Variants in MRTFA observed in about 807,000 individuals in gnomAD.
The protein encoded by MRTFA is myocardin-related transcription factor A.
A neutral mutation model predicts 83.5 loss-of-function variants in MRTFA; 20 were observed. The ratio of observed to expected loss-of-function variants is 0.24; its 90% CI spans 0.17 to 0.35. The LOEUF (loss-of-function observed/expected upper bound fraction) is 0.35, where lower values mean the gene tolerates loss of function less well. Among genes scored for constraint, MRTFA ranks in the 10% least tolerant of loss-of-function variants. The pLI is 1.00. For synonymous variants in MRTFA, 659 were observed against 541.2 expected, an observed-to-expected ratio of 1.22 and a Z score of -3.02; for missense variants, 1,200 against 1,224.7, an observed-to-expected ratio of 0.98 and a Z score of 0.30.
In MRTFA at chr22:40,622,593, G is replaced by C. The variant is rs143401930; in HGVS notation, c.-84+13885C>G. 3.9e-5 allele frequency among the ~76,000 whole-genome samples: 6 copies of C among 152,240 alleles called. No homozygotes were observed. In the East Asian group the frequency reaches 1.2e-3, roughly 29 times the overall value. On this transcript the variant is annotated intron_variant, in intron 1 of 14. Coordinates refer to ENST00000355630, the MANE Select transcript of MRTFA (RefSeq NM_020831.6). The stretch of plus-strand genomic sequence containing the variant: ...AGTGCAGGAGAAAGAGATGTGCAGA[G>C]AGATTTAAAGATGCTGACCTTGAAG...
At chr22:40,588,008 G>T in intron 2 of MRTFA, 1 of 204,026 alleles carries the variant, frequency 4.9e-6, no homozygotes, top group African/African-American at 2.4e-5. Context: ...ATGGGAAGGT[G>T]AGAAGGCCAC....
At chr22:40,474,957 G>C (rs2053968365) in intron 3 of MRTFA, among the ~76,000 whole-genome samples, 1 of 151,988 alleles carries the variant, frequency 6.6e-6, no homozygotes, top group African/African-American at 2.4e-5. Flanking sequence ...TCCTGCCTCA[G>C]CCATCCGAGT....
At position 40,508,023 on chromosome 22, in the gene MRTFA, C is replaced by T. The variant is rs538299774; in HGVS notation, c.241+44083G>A. Among the ~76,000 whole-genome samples the T allele has an allele frequency of 2.9e-5, 4 of 139,510 alleles. No homozygotes were observed. In the South Asian group the frequency reaches 7.1e-4, roughly 25 times the overall value. The allele number at this position is 139,510 out of a possible 152,430, so 91.5% of individuals were successfully genotyped here. On this transcript the variant is annotated intron_variant, in intron 3 of 14. Transcript: ENST00000355630. ...AAGGAGTTGATTTATATATAAAGTA[C>T]GTAGAACAGTACCTGGGCACAGGTG... is the stretch of plus-strand genomic sequence containing the variant.
chr22:40,610,544 C>T (rs2056375235), intron 1 of MRTFA, among the ~76,000 whole-genome samples: 1 of 152,158 alleles, frequency 6.6e-6, no homozygotes, highest in Non-Finnish European at 1.5e-5. Flanking sequence ...ATCTCCTTGG[C>T]TTCCTTTTCA....
At chr22:40,624,299 G>A (rs565394586) in intron 1 of MRTFA, among the ~76,000 whole-genome samples, 1 of 151,546 alleles carries the variant, frequency 6.6e-6, no homozygotes, top group South Asian at 2.1e-4. Flanking sequence ...GGTGGGGCAC[G>A]CCTGTAATCC....
At chr22:40,511,323 C>T (rs750647993) in intron 3 of MRTFA, among the ~76,000 whole-genome samples, 1 of 152,156 alleles carries the variant, frequency 6.6e-6, no homozygotes, top group African/African-American at 2.4e-5. Context: ...GCTAGGGCAA[C>T]TGGCACTATA....
At chr22:40,563,141 C>T (rs1213099112) in intron 2 of MRTFA, among the ~76,000 whole-genome samples, 3 of 152,090 alleles carry the variant, frequency 2.0e-5, no homozygotes, top group Admixed American at 6.6e-5. Flanking sequence ...CTCACCATTC[C>T]CCTTTATTCA....
intron 8 of MRTFA, 39 bp from the exon 9 acceptor site, chr22:40,423,724 C>A (rs771245964): frequency 5.4e-6 from 8 of 1,492,628 alleles, no homozygotes; most frequent in Admixed American, 4.1e-5. Flanking sequence ...TGGCCACCTC[C>A]AGGTAGGGTG....
intron 3 of MRTFA, among the ~76,000 whole-genome samples, chr22:40,475,177 G>A (rs1324140508): frequency 1.3e-5 from 2 of 152,118 alleles, no homozygotes; most frequent in Non-Finnish European, 2.9e-5. Context: ...TTAGAGCTAG[G>A]AGTTCTGTGA....
intron 3 of MRTFA, among the ~76,000 whole-genome samples, chr22:40,465,812 G>A (rs1040123181): frequency 5.3e-5 from 8 of 151,884 alleles, no homozygotes; most frequent in Non-Finnish European, 8.8e-5. Context: ...TGATCTGTCC[G>A]TCTCAGCCTC....
intron 3 of MRTFA, among the ~76,000 whole-genome samples, chr22:40,513,453 T>C (rs1486417254): frequency 2.0e-5 from 3 of 151,778 alleles, no homozygotes; most frequent in Non-Finnish European, 4.4e-5. Flanking sequence ...ATACAAAAAT[T>C]AGCTGGGCAT....
chr22:40,482,437 A>C (rs2054107192), intron 3 of MRTFA, among the ~76,000 whole-genome samples: 2 of 152,140 alleles, frequency 1.3e-5, no homozygotes, highest in Non-Finnish European at 2.9e-5. Context: ...ACAGATCTCA[A>C]AGTGCCAATT....
intron 3 of MRTFA, among the ~76,000 whole-genome samples, chr22:40,538,985 CTTTTGTTTTT>C (rs1166132564): frequency 2.8e-5 from 3 of 106,946 alleles, no homozygotes; most frequent in African/African-American, 3.8e-5. Flanking sequence ...GATACACAGC[CTTTTGTTTTT>C]TTTTTTTTTT....
chr22:40,596,119 T>C (rs2056188809), intron 1 of MRTFA, among the ~76,000 whole-genome samples: 1 of 151,982 alleles, frequency 6.6e-6, no homozygotes, highest in Non-Finnish European at 1.5e-5. Context: ...CTTTGATAGT[T>C]CTACTGTTTC....
chr22:40,503,652 C>A lies in MRTFA; in HGVS notation c.242-40366G>T, dbSNP rs549183281. Among the ~76,000 whole-genome samples the A allele has an allele frequency of 1.3e-4, 20 of 152,272 alleles. No individual in the cohort carries two copies. In the South Asian group the frequency reaches 3.9e-3, roughly 30 times the overall value. On this transcript the variant is annotated intron_variant, in intron 3 of 14. Transcript: ENST00000355630. Reference sequence around the variant, plus strand: ...AGTGTTTCCCAGGATACTGGCTGGGCGCAGTGGCTCACGCCTGTAATCCCA... The same window carrying A: ...AGTGTTTCCCAGGATACTGGCTGGGAGCAGTGGCTCACGCCTGTAATCCCA...
intron 3 of MRTFA, among the ~76,000 whole-genome samples, chr22:40,538,813 T>G (rs1241159642): frequency 1.3e-5 from 2 of 152,122 alleles, no homozygotes; most frequent in African/African-American, 4.8e-5. Flanking sequence ...TCTGCACAAA[T>G]GAAGATGACT....
At chr22:40,544,631 T>TA (rs1394199920) in intron 3 of MRTFA, among the ~76,000 whole-genome samples, 1 of 152,068 alleles carries the variant, frequency 6.6e-6, no homozygotes, top group African/African-American at 2.4e-5. Context: ...AACAAACTAG[T>TA]ATTCCGGATA....
At position 40,416,961 on chromosome 22, in the gene MRTFA, G is replaced by A; in HGVS notation, c.2578+25C>T. On this transcript the variant is annotated intron_variant, in intron 14 of 14. Coordinates refer to ENST00000355630, the MANE Select transcript of MRTFA (RefSeq NM_020831.6). The surrounding 1 kb of genome is among the most constrained non-coding windows in gnomAD (Gnocchi z 4.2). ...CCTATGAACAGAGAAGGCCGTCAGG[G>A]AGGCAGCAGGGGACCTGGGGTTACC... 3 of 1,582,888 alleles carry A rather than the reference G, an allele frequency of 1.9e-6. No individual in the cohort carries two copies. The highest frequency in any genetic ancestry group is 2.6e-6 in the Non-Finnish European group (3 of 1,163,568).
chr22:40,606,506 G>A (rs1421191415), intron 1 of MRTFA, among the ~76,000 whole-genome samples: 2 of 152,152 alleles, frequency 1.3e-5, no homozygotes, highest in East Asian at 3.8e-4. Context: ...AGTTTACACT[G>A]TCTCAAGGTC....
Sources: allele counts gnomAD v4.1 joint callset (sites outside exome capture counted in the v4.1 genomes callset), GRCh38; gene constraint gnomAD v4.1.1; non-coding constraint Gnocchi (gnomAD v3.1); transcripts MANE v1.5; gene names NCBI Gene and HGNC (gene_info 2026-07-23, HGNC 2026-07-21).